Variants in RPS6KB1 observed in about 807,000 individuals in gnomAD.
The protein encoded by RPS6KB1 is ribosomal protein S6 kinase B1, also known as ribosomal protein S6 kinase beta-1.
A neutral mutation model predicts 70.2 loss-of-function variants in RPS6KB1; 12 were observed. The ratio of observed to expected loss-of-function variants is 0.17; its 90% confidence interval spans 0.11 to 0.28. The LOEUF is 0.28. Among genes scored for constraint, RPS6KB1 ranks in the 10% least tolerant of loss-of-function variants. RPS6KB1 has a pLI of 1.00. For synonymous variants in RPS6KB1, 175 were observed against 211.2 expected (o/e 0.83, Z 1.49); for missense variants, 270 against 646.6 (o/e 0.42, Z 6.32).
Position 59,946,532 on chromosome 17 carries a change from G to T in RPS6KB1, c.1341-19G>T. ...ATGACCCTTAAGCAAATGAATGATA[G>T]CTCTTCCTTGTCTTAAAGCCCAGTC... On this transcript the variant is annotated intron_variant, in intron 14 of 14. Transcript: ENST00000225577. The surrounding 1 kb of genome is among the most constrained non-coding windows in gnomAD (Gnocchi z 4.2). 6.3e-7 allele frequency: 1 copy of T among 1,588,360 alleles called. No homozygotes were observed. The highest frequency in any genetic ancestry group is 8.6e-7 in the Non-Finnish European group (1 of 1,156,746).
chr17:59,898,306 T>C (rs1323561875), intron 1 of RPS6KB1, among the ~76,000 whole-genome samples: 2 of 152,140 alleles, frequency 1.3e-5, no homozygotes, highest in Non-Finnish European at 2.9e-5. Flanking sequence ...CAGATTTTTA[T>C]TGAGTAAAAG....
At chr17:59,942,039 T>C (rs1202955055) in intron 13 of RPS6KB1, among the ~76,000 whole-genome samples, 1 of 152,120 alleles carries the variant, frequency 6.6e-6, no homozygotes, top group African/African-American at 2.4e-5. Context: ...TTTGTATTTG[T>C]AGTAGAGACG....
chr17:59,945,507 A>G lies in RPS6KB1; in HGVS notation c.1329A>G (p.Arg443=), dbSNP rs1295424133. 3 of 1,588,424 alleles carry G rather than the reference A, an allele frequency of 1.9e-6. No homozygotes were observed. Among genetic ancestry groups the G allele is most frequent in the South Asian group, 2.2e-5 (2 of 90,426 alleles). Residue 443 remains arginine (R), a synonymous_variant, in exon 14 of 15, where the codon CGA becomes CGG. Coordinates refer to ENST00000225577, the MANE Select transcript of RPS6KB1 (RefSeq NM_003161.4). ...CTCGAAGATTTATTGGCAGCCCACG[A>G]ACACCTGTCAGGTATTTCACACTCT... is the stretch of plus-strand genomic sequence containing the variant. ...RSPRRFIGSP[R]TPVSPVKFSP...
intron 1 of RPS6KB1, among the ~76,000 whole-genome samples, chr17:59,908,551 C>T (rs1035010808): frequency 6.7e-6 from 1 of 149,906 alleles, no homozygotes; most frequent in Non-Finnish European, 1.5e-5. Context: ...GGAAAATTCA[C>T]TTGGTTTTAT....
At position 59,949,499 on chromosome 17, in the gene RPS6KB1, T is replaced by C. The variant is rs2045102422; in HGVS notation, c.*2711T>C. On this transcript the variant is annotated 3_prime_UTR_variant, in exon 15 of 15. Transcript: ENST00000225577. ...GGATATTTTTTTATTTTATACATGC[T>C]GTTTTTTAATTAAAATATAATCACT... 6.5e-6 allele frequency: 1 copy of C among 152,710 alleles called. No homozygotes were observed. The highest frequency in any genetic ancestry group is 2.4e-5 in the African/African-American group (1 of 41,592). 9.5% of individuals were successfully genotyped at this position (152,710 alleles called of 1,614,324 possible).
chr17:59,943,838 C>T (rs2145065229), intron 13 of RPS6KB1, among the ~76,000 whole-genome samples: 1 of 147,622 alleles, frequency 6.8e-6, no homozygotes, highest in African/African-American at 2.5e-5. Context: ...CCCCTCACTG[C>T]ACTCCAGCCT....
chr17:59,945,229 A>C, intron 13 of RPS6KB1, 177 bp from the exon 14 acceptor site: 1 of 478,554 alleles, frequency 2.1e-6, no homozygotes, highest in Non-Finnish European at 3.8e-6. Flanking sequence ...TGTGTGCCTC[A>C]CGAAATGGCT....
chr17:59,900,127 C>A (rs560344778), intron 1 of RPS6KB1, among the ~76,000 whole-genome samples: 6 of 147,218 alleles, frequency 4.1e-5, no homozygotes, highest in South Asian at 4.4e-4. Context: ...GAGCTATTAT[C>A]CTACTACAGC....
chr17:59,909,872 C>T (rs952924180), intron 1 of RPS6KB1, among the ~76,000 whole-genome samples: 6 of 152,040 alleles, frequency 3.9e-5, no homozygotes, highest in African/African-American at 1.4e-4. Flanking sequence ...ATTAGCCAGG[C>T]ATGGTGGCAG....
At chr17:59,941,048 G>A (rs1431923585) in intron 13 of RPS6KB1, 105 bp downstream of exon 13, 12 of 585,990 alleles carry the variant, frequency 2.0e-5, no homozygotes, top group Middle Eastern at 2.8e-4. Context: ...AGGTAACCTG[G>A]CCCACTTTTT....
chr17:59,909,230 T>G (rs2042471208), intron 1 of RPS6KB1, among the ~76,000 whole-genome samples: 5 of 2,024 alleles, frequency 2.5e-3, no homozygotes, highest in African/African-American at 9.9e-3. Flanking sequence ...ACGTGGCTTT[T>G]TTTTTTTTTT....
intron 5 of RPS6KB1, among the ~76,000 whole-genome samples, chr17:59,928,570 G>A (rs180527): frequency 0.14 from 21,626 of 151,852 alleles, 1,685 homozygotes; most frequent in Middle Eastern, 0.19. Flanking sequence ...GGCTGGTCTC[G>A]AATTCCTGAC....
intron 1 of RPS6KB1, among the ~76,000 whole-genome samples, chr17:59,900,745 A>G (rs148969965): frequency 1.3e-5 from 2 of 152,316 alleles, no homozygotes; most frequent in African/African-American, 4.8e-5. Context: ...AAAGCTATAT[A>G]TTATAATGTC....
At position 59,946,753 on chromosome 17, in the gene RPS6KB1, T is replaced by C; in HGVS notation, c.1543T>C (p.Ser515Pro). The change falls in exon 15 of 15, where the codon TCC becomes CCC. Residue 515 changes from serine to proline, a missense_variant. By Grantham distance (74) the Ser-to-Pro change is moderately conservative. Coordinates refer to ENST00000225577, the MANE Select transcript of RPS6KB1 (RefSeq NM_003161.4). This position sits in a 1 kb window ranked among gnomAD's most constrained non-coding sequence, Gnocchi z 4.2. ...PYKKQAFPMI[S>P]KRPEHLRMNL The stretch of plus-strand genomic sequence containing the variant: ...CAAAAAACAAGCTTTTCCCATGATC[T>C]CCAAACGGCCAGAGCACCTGCGTAT... 6.2e-7 allele frequency: 1 copy of C among 1,614,012 alleles called. No individual in the cohort carries two copies. The highest frequency in any genetic ancestry group is 8.5e-7 in the Non-Finnish European group (1 of 1,179,956).
At chr17:59,914,483 T>A in intron 3 of RPS6KB1, 152 bp from the exon 4 acceptor site, 2 of 661,752 alleles carry the variant, frequency 3.0e-6, no homozygotes, top group South Asian at 3.5e-5. Context: ...AAAGTCATGA[T>A]CATTAATGTG....
chr17:59,923,637 G>A (rs1034788056), intron 4 of RPS6KB1, among the ~76,000 whole-genome samples: 11 of 151,932 alleles, frequency 7.2e-5, no homozygotes, highest in African/African-American at 2.7e-4. Flanking sequence ...CGCCTCCTGA[G>A]TAGCTGGGAT....
In RPS6KB1 at chr17:59,946,388, G is replaced by A. The variant is rs1342801615; in HGVS notation, c.1341-163G>A. ...GGAAATTCTAGCAGTTAATCTAGGT[G>A]GGGGAGAGATGGTTCAATTTTTGCC... On this transcript the variant is annotated intron_variant, in intron 14 of 14. Transcript: ENST00000225577. This position sits in a 1 kb window ranked among gnomAD's most constrained non-coding sequence, Gnocchi z 4.2. Among the ~76,000 whole-genome samples, 10 of 152,114 alleles carry A rather than the reference G, an allele frequency of 6.6e-5. No individual in the cohort carries two copies. Among genetic ancestry groups the A allele is most frequent in the African/African-American group, 2.2e-4 (9 of 41,406 alleles).
chr17:59,927,031 A>T (rs140298452), intron 5 of RPS6KB1, among the ~76,000 whole-genome samples: 2,199 of 152,184 alleles, frequency 0.014, 61 homozygotes, highest in African/African-American at 0.051. Flanking sequence ...GCCAGGGCCT[A>T]CCACCTCGTA....
chr17:59,908,479 G>A (rs1390267484), intron 1 of RPS6KB1, among the ~76,000 whole-genome samples: 1 of 151,574 alleles, frequency 6.6e-6, no homozygotes, highest in African/African-American at 2.4e-5. Context: ...GGGATTACAG[G>A]TATGAGCCAC....
Sources: gnomAD v4.1 joint callset for allele counts (sites outside exome capture counted in the v4.1 genomes callset) on GRCh38, gnomAD v4.1.1 for gene constraint, Gnocchi (gnomAD v3.1) non-coding constraint, MANE v1.5 for transcripts, NCBI Gene and HGNC (gene_info 2026-07-23, HGNC 2026-07-21) for gene names.